Variants in PALM3 observed in about 807,000 individuals in gnomAD.
PALM3 encodes the protein paralemmin 3.
A neutral mutation model predicts 27.9 loss-of-function variants in PALM3; 20 were observed. The observed-to-expected ratio is 0.72, with a 90% CI of 0.50 to 1.04. The LOEUF (loss-of-function observed/expected upper bound fraction) is 1.04, where lower values mean the gene tolerates loss of function less well. PALM3 is among the 50% of genes least tolerant of loss of function. PALM3 has a pLI of 0.00. For missense variants in PALM3, 814 were observed against 869.4 expected (o/e 0.94, Z 0.80); for synonymous variants, 328 against 352.7 (o/e 0.93, Z 0.79).
intron 1 of PALM3, 79 bp from the exon 2 acceptor site, chr19:14,059,242 G>A: frequency 7.6e-7 from 1 of 1,324,022 alleles, no homozygotes; most frequent in Non-Finnish European, 1.0e-6. Flanking sequence ...GAGCAGTATG[G>A]AAATTGCCCC....
Position 14,060,922 on chromosome 19 carries a change from G to A in PALM3, c.41+1018C>T, listed in dbSNP as rs149340507. On this transcript the variant is annotated intron_variant, in intron 1 of 6. Coordinates refer to ENST00000669674, the MANE Select transcript of PALM3 (RefSeq NM_001145028.2). ...ATTACAGGCGTGCACCACCAAGCCCGGCTAATTTTTGTATTTTTAGTACAG... is the reference window on the plus strand; with the variant it reads ...ATTACAGGCGTGCACCACCAAGCCCAGCTAATTTTTGTATTTTTAGTACAG... Among the ~76,000 whole-genome samples the A allele has an allele frequency of 9.6e-3, 1,464 of 152,206 alleles. 13 individuals carry two copies. Among genetic ancestry groups the A allele is most frequent in the Middle Eastern group, 0.017 (5 of 294 alleles).
chr19:14,056,413 CT>C lies in PALM3; in HGVS notation c.399+15del, dbSNP rs1322436534. ...GGCCATGCCCTCCCATCCCACTCCC[CT>C]GATTCCCCCCTCACCTGTCTGCGCC... On this transcript the variant is annotated intron_variant, in intron 5 of 6. Transcript: ENST00000669674. 1.9e-6 allele frequency: 3 copies of C among 1,543,906 alleles called. No homozygotes were observed. The African/African-American group carries it at 4.1e-5, about 21-fold the overall frequency.
Position 14,056,651 on chromosome 19 carries a change from T to C in PALM3, c.314+11A>G. On this transcript the variant is annotated intron_variant, in intron 4 of 6. Transcript: ENST00000669674. ...GCAGGGTTCGGGCAGAGCTAGAAGG[T>C]CTCCACTCACGTGAACAAACTGTCT... The C allele has an allele frequency of 6.4e-7, 1 of 1,551,670 alleles. No homozygotes were observed. Among genetic ancestry groups the C allele is most frequent in the Non-Finnish European group, 8.7e-7 (1 of 1,146,984 alleles).
Position 14,062,075 on chromosome 19 carries a change from G to GT in PALM3, c.-96dup, listed in dbSNP as rs1215706626. ...GGAGGCTGTGACTTGGCTGCCTGGA[G>GT]TGGGGGGGGGCTGCGGGCGGGCACC... On this transcript the variant is annotated 5_prime_UTR_variant, in exon 1 of 7. Coordinates refer to ENST00000669674, the MANE Select transcript of PALM3 (RefSeq NM_001145028.2). 1 of 830,064 alleles carries GT rather than the reference G, an allele frequency of 1.2e-6. No homozygotes were observed. Among genetic ancestry groups the GT allele is most frequent in the Non-Finnish European group, 1.5e-6 (1 of 687,724 alleles). The allele number at this position is 830,064 out of a possible 1,614,324, so 51.4% of individuals were successfully genotyped here.
chr19:14,057,565 G>T, intron 2 of PALM3, 134 bp from the exon 3 acceptor site: 1 of 688,912 alleles, frequency 1.5e-6, no homozygotes, highest in South Asian at 2.4e-5. Context: ...AGCCCGGCGG[G>T]GGTGGCCCAG....
intron 2 of PALM3, 26 bp from the exon 3 acceptor site, chr19:14,057,457 C>T (rs1976328030): frequency 2.0e-6 from 3 of 1,506,332 alleles, no homozygotes; most frequent in Non-Finnish European, 2.7e-6. Flanking sequence ...CCGGAGCTGC[C>T]CGCCGGCCGG....
At chr19:14,055,556 A>T in intron 5 of PALM3, 131 bp from the exon 6 acceptor site, 1 of 843,964 alleles carries the variant, frequency 1.2e-6, no homozygotes, top group Non-Finnish European at 1.9e-6. Context: ...ATCAAACTCC[A>T]CATTGTACCT....
Position 14,055,203 on chromosome 19 carries a change from C to T in PALM3, c.469G>A (p.Ala157Thr), listed in dbSNP as rs993991464. 3 of 1,526,372 alleles carry T rather than the reference C, an allele frequency of 2.0e-6. No homozygotes were observed. Among genetic ancestry groups the T allele is most frequent in the African/African-American group, 3.0e-5 (2 of 66,328 alleles). The allele number at this position is 1,526,372 out of a possible 1,614,324, so 94.6% of individuals were successfully genotyped here. The change falls in exon 7 of 7, where the codon GCC becomes ACC. Residue 157 changes from alanine (A) to threonine (T), a missense_variant. Transcript: ENST00000669674. ...SVGQTDLNKRASLPAGLVGTP... is the reference protein window; with the variant it reads ...SVGQTDLNKRTSLPAGLVGTP... ...CCCACTAGTCCAGCCGGCAGGGAGG[C>T]TCTCTTGTTCAGATCAGTCTGGCCT...
Position 14,054,909 on chromosome 19 carries a change from G to T in PALM3, c.763C>A (p.Leu255Met). ...DCATGATGPE[L>M]EAKVEEVVLE... Reference sequence around the variant, plus strand: ...ACCACTTCCTCCACCTTAGCCTCCAGCTCGGGGCCCGTGGCCCCTGTGGCA... The same window carrying T: ...ACCACTTCCTCCACCTTAGCCTCCATCTCGGGGCCCGTGGCCCCTGTGGCA... The change falls in exon 7 of 7, where the codon CTG (leucine) becomes ATG (methionine). Residue 255 changes from leucine to methionine, a missense_variant. Coordinates refer to ENST00000669674, the MANE Select transcript of PALM3 (RefSeq NM_001145028.2). 6.5e-7 allele frequency: 1 copy of T among 1,549,220 alleles called. No individual in the cohort carries two copies.
At chr19:14,059,230 C>G in intron 1 of PALM3, 67 bp from the exon 2 acceptor site, 1 of 1,382,904 alleles carries the variant, frequency 7.2e-7, no homozygotes. Context: ...GCCAAGATCC[C>G]TGAGCAGTAT....
At position 14,059,295 on chromosome 19, in the gene PALM3, GA is replaced by G. The variant is rs1976376133; in HGVS notation, c.42-133del. ...TCTGTTTCCCCTTTGCACCTGGGAA[GA>G]GTCTGGGCGGGGGGCGAGGGTCTTG... On this transcript the variant is annotated intron_variant, in intron 1 of 6. Transcript: ENST00000669674. 5 of 861,128 alleles carry G rather than the reference GA, an allele frequency of 5.8e-6. No individual in the cohort carries two copies. In the East Asian group the frequency reaches 1.7e-4, roughly 29 times the overall value. 53.3% of individuals were successfully genotyped at this position (861,128 alleles called of 1,614,324 possible).
In PALM3 at chr19:14,059,124, T is replaced by C; in HGVS notation, c.81A>G (p.Glu27=). The C allele has an allele frequency of 7.0e-7, 1 of 1,438,610 alleles. No individual in the cohort carries two copies. The highest frequency in any genetic ancestry group is 9.1e-7 in the Non-Finnish European group (1 of 1,096,448). 89.1% of individuals were successfully genotyped at this position (1,438,610 alleles called of 1,614,324 possible). A position where few individuals can be genotyped will look rare whatever the true frequency, so the allele number is the denominator to read the frequency against. Residue 27 remains glutamate (E), a synonymous_variant, in exon 2 of 7, where the codon GAA becomes GAG. Transcript: ENST00000669674. ...AESSLYRQRL[E]VIAEKRRLQE... ...GGAGGGCGTCACTTACAGCGATGAC[T>C]TCTAGCCGCTGCCGGTAGAGGGAGC...
chr19:14,058,996 T>G, intron 2 of PALM3, 119 bp downstream of exon 2: 1 of 877,808 alleles, frequency 1.1e-6, no homozygotes, highest in Non-Finnish European at 1.6e-6. Context: ...AGAATTGGTG[T>G]GGGGAGCCCT....
In PALM3 at chr19:14,054,659, T is replaced by C. The variant is rs990591177; in HGVS notation, c.1013A>G (p.Gln338Arg). ...AASIEGEDVP[Q>R]GSPEGDGQGG... is the part of the protein sequence containing the mutation. ...CTGCCCATCACCCTCAGGGCTGCCC[T>C]GGGGCACATCTTCCCCTTCTATGGA... Residue 338 changes from glutamine (Q) to arginine (R), a missense_variant, in exon 7 of 7, where the codon CAG becomes CGG. Physicochemically the swap from Gln to Arg is conservative, Grantham distance 43. Transcript: ENST00000669674. 1.3e-6 allele frequency: 2 copies of C among 1,551,184 alleles called. No homozygotes were observed. Among genetic ancestry groups the C allele is most frequent in the African/African-American group, 2.7e-5 (2 of 73,004 alleles).
intron 2 of PALM3, 70 bp from the exon 3 acceptor site, chr19:14,057,501 T>G: frequency 8.3e-7 from 1 of 1,202,378 alleles, no homozygotes; most frequent in Non-Finnish European, 1.1e-6. Context: ...TCCCTCCCTT[T>G]CCCCTCCCTC....
At chr19:14,055,280 T>C in intron 6 of PALM3, 54 bp from the exon 7 acceptor site, 3 of 1,526,886 alleles carry the variant, frequency 2.0e-6, no homozygotes, top group Non-Finnish European at 1.8e-6. Context: ...AGGGTTAAGA[T>C]GGAACAAAAG....
At chr19:14,058,288 G>A (rs1487988934) in intron 2 of PALM3, among the ~76,000 whole-genome samples, 6 of 150,704 alleles carry the variant, frequency 4.0e-5, no homozygotes, top group Non-Finnish European at 5.9e-5. Context: ...ACAGAAGTGG[G>A]GTGCAGATAG....
Position 14,054,354 on chromosome 19 carries a change from T to C in PALM3, c.1318A>G (p.Arg440Gly), listed in dbSNP as rs1235778871. Reference sequence around the variant, plus strand: ...TCCAACTTCTTCTCTCCTCCTTTCCTCTCTACCACTGGTGACATCTCCGCT... The same window carrying C: ...TCCAACTTCTTCTCTCCTCCTTTCCCCTCTACCACTGGTGACATCTCCGCT... ...DEAEMSPVVE[R>G]KGGEKKLELE... is the part of the protein sequence containing the mutation. The change falls in exon 7 of 7, where the codon AGG becomes GGG. Residue 440 changes from arginine (R) to glycine (G), a missense_variant. Transcript: ENST00000669674. The C allele has an allele frequency of 1.3e-6, 2 of 1,552,186 alleles. No homozygotes were observed. Among genetic ancestry groups the C allele is most frequent in the Non-Finnish European group, 1.7e-6 (2 of 1,147,110 alleles).
Position 14,058,544 on chromosome 19 carries a change from T to G in PALM3, c.90+571A>C, listed in dbSNP as rs144901684. On this transcript the variant is annotated intron_variant, in intron 2 of 6. Coordinates refer to ENST00000669674, the MANE Select transcript of PALM3 (RefSeq NM_001145028.2). ...CACGGGGTCCAGAGATACTGAGGTGTAGAGGTGGGGATCAGGGAGATGGGA... is the reference window on the plus strand; with the variant it reads ...CACGGGGTCCAGAGATACTGAGGTGGAGAGGTGGGGATCAGGGAGATGGGA... Among the ~76,000 whole-genome samples the G allele has an allele frequency of 8.2e-4, 123 of 149,894 alleles. 3 individuals carry two copies. In the East Asian group the frequency reaches 0.017, roughly 21 times the overall value.
Sources: gnomAD v4.1 joint callset for allele counts (sites outside exome capture counted in the v4.1 genomes callset) on GRCh38, gnomAD v4.1.1 for gene constraint, MANE v1.5 for transcripts, NCBI Gene and HGNC (gene_info 2026-07-23, HGNC 2026-07-21) for gene names.